Variants in XCR1 observed in about 807,000 individuals in gnomAD.
XCR1 encodes X-C motif chemokine receptor 1, also known as chemokine XC receptor 1.
For synonymous variants in XCR1, 187 were observed against 188.5 expected (o/e 0.99, Z 0.06); for missense variants, 356 against 424.2 (o/e 0.84, Z 1.41).
intron 5 of XCR1, among the ~76,000 whole-genome samples, chr3:46,052,040 A>AAAAACAAAAAC (rs146791601): frequency 7.0e-6 from 1 of 142,988 alleles, no homozygotes; most frequent in East Asian, 2.0e-4. Context: ...AAACAAAAAC[A>AAAAACAAAAAC]AAAAAAAAAC....
Position 46,023,260 on chromosome 3 carries a change from G to T in XCR1, c.-31-1282C>A, listed in dbSNP as rs1708202862. On this transcript the variant is annotated intron_variant, in intron 1 of 1. Transcript: ENST00000309285. ...CCTGCGATCCCCTCCATGTTCCCTG[G>T]CCCCACCGCTCCCCTTCCTAAGGCT... The T allele has an allele frequency of 3.3e-5, 22 of 661,750 alleles. No individual in the cohort carries two copies. In the South Asian group the frequency reaches 3.7e-4, roughly 11 times the overall value. 41.0% of individuals were successfully genotyped at this position (661,750 alleles called of 1,614,324 possible).
chr3:46,025,461 T>C (rs1204923979), intron 1 of XCR1, among the ~76,000 whole-genome samples: 5 of 152,236 alleles, frequency 3.3e-5, no homozygotes, highest in Middle Eastern at 3.4e-3. Context: ...TGATGAAGCC[T>C]TATCTAGATT....
intron 3 of XCR1, among the ~76,000 whole-genome samples, chr3:46,069,903 G>A (rs1012534523): frequency 3.5e-5 from 5 of 141,032 alleles, no homozygotes; most frequent in Admixed American, 7.1e-5. Flanking sequence ...GTTAATTTGC[G>A]ATCTATTTTT....
chr3:46,023,980 T>A, intron 1 of XCR1: 1 of 1,450,246 alleles, frequency 6.9e-7, no homozygotes, highest in East Asian at 2.3e-5. Flanking sequence ...ATTACGGAGC[T>A]TGCCGCCACA....
chr3:46,067,142 G>T (rs76274417), intron 3 of XCR1, among the ~76,000 whole-genome samples: 191 of 152,326 alleles, frequency 1.3e-3, no homozygotes, highest in African/African-American at 4.5e-3. Context: ...TACCTGTGAA[G>T]ATACTTGTGA....
At chr3:46,031,446 G>A (rs758211184), upstream of XCR1, among the ~76,000 whole-genome samples, 2 of 152,252 alleles carry the variant, frequency 1.3e-5, no homozygotes, top group Non-Finnish European at 2.9e-5. Context: ...GTGCTGACAT[G>A]CTAGGCCCTG....
intron 3 of XCR1, among the ~76,000 whole-genome samples, chr3:46,067,292 G>A (rs1698095003): frequency 6.6e-6 from 1 of 152,150 alleles, no homozygotes; most frequent in Admixed American, 6.5e-5. Flanking sequence ...AGAAGGACAA[G>A]TAGGAGTTAT....
intron 1 of XCR1, among the ~76,000 whole-genome samples, chr3:46,077,985 C>T (rs1243063825): frequency 1.3e-5 from 2 of 152,152 alleles, no homozygotes; most frequent in Admixed American, 6.5e-5. Context: ...GTACCATGGT[C>T]GCTACCTGGC....
chr3:46,035,623 C>T (rs1021137714), intron 5 of XCR1, among the ~76,000 whole-genome samples: 16 of 152,206 alleles, frequency 1.1e-4, no homozygotes, highest in African/African-American at 3.9e-4. Flanking sequence ...TACAGCTGGT[C>T]TCAACTGTGT....
rs199744628 is a variant in XCR1, at chr3:46,021,278, C to T, written c.670G>A (p.Val224Ile). The change falls in exon 2 of 2, where the codon GTC becomes ATC. Residue 224 changes from valine to isoleucine, a missense_variant. Transcript: ENST00000309285. The surrounding 1 kb of genome is among the most constrained non-coding windows in gnomAD (Gnocchi z 4.7). ...RSRSKRRHRTVKLIFAIVVAY... is the reference protein window; with the variant it reads ...RSRSKRRHRTIKLIFAIVVAY... ...ACCACGATGGCGAAGATGAGCTTGA[C>T]CGTGCGGTGGCGCCGCTTGGAGCGT... 4 of 1,614,202 alleles carry T rather than the reference C, an allele frequency of 2.5e-6. No individual in the cohort carries two copies. In the East Asian group the frequency reaches 8.9e-5, roughly 36 times the overall value.
upstream of XCR1, among the ~76,000 whole-genome samples, chr3:46,028,504 A>T (rs1308729690): frequency 6.6e-6 from 1 of 151,272 alleles, no homozygotes; most frequent in African/African-American, 2.4e-5. Flanking sequence ...GATATGATTT[A>T]AAAATAATTT....
At chr3:46,065,196 C>A (rs531848546) in intron 4 of XCR1, among the ~76,000 whole-genome samples, 3 of 152,176 alleles carry the variant, frequency 2.0e-5, no homozygotes, top group Non-Finnish European at 4.4e-5. Flanking sequence ...TAAAATGGTT[C>A]TTTTAAGCCT....
At chr3:46,030,850 C>T (rs1575413549), upstream of XCR1, among the ~76,000 whole-genome samples, 1 of 152,256 alleles carries the variant, frequency 6.6e-6, no homozygotes, top group African/African-American at 2.4e-5. Context: ...AGGCCTGGAG[C>T]CTCTGCCGCA....
rs746145944 is a variant in XCR1, at chr3:46,020,972, C to T, written c.976G>A (p.Ala326Thr). Residue 326 changes from alanine (A) to threonine (T), a missense_variant, in exon 2 of 2, where the codon GCC (alanine) becomes ACC (threonine). Physicochemically the swap from Ala to Thr is moderately conservative, Grantham distance 58 (BLOSUM62 0). Transcript: ENST00000309285. ...ASIPHSPGAFAYEGASFY is the reference protein window; with the variant it reads ...ASIPHSPGAFTYEGASFY Reference sequence around the variant, plus strand: ...CAGTAGAAGGAGGCGCCCTCATAGGCGAAGGCACCAGGGGAGTGGGGGATC... The same window carrying T: ...CAGTAGAAGGAGGCGCCCTCATAGGTGAAGGCACCAGGGGAGTGGGGGATC... 19 of 1,612,392 alleles carry T rather than the reference C, an allele frequency of 1.2e-5. No homozygotes were observed. The highest frequency in any genetic ancestry group is 1.6e-5 in the Non-Finnish European group (19 of 1,179,172).
rs988204757 is a variant in XCR1 at position 46,020,852 on chromosome 3, T to C, written c.*94A>G. The C allele has an allele frequency of 6.8e-7, 1 of 1,471,278 alleles. No individual in the cohort carries two copies. The highest frequency in any genetic ancestry group is 1.4e-5 in the African/African-American group (1 of 70,782). 91.1% of individuals were successfully genotyped at this position (1,471,278 alleles called of 1,614,324 possible). On this transcript the variant is annotated 3_prime_UTR_variant, in exon 2 of 2. Coordinates refer to ENST00000309285, the MANE Select transcript of XCR1 (RefSeq NM_001024644.2). ...AGCGGAGGAGACGTCTCCACCCTGC[T>C]GTGTTCTGCAATGCTCCTTCCAGGC...
At position 46,021,935 on chromosome 3, in the gene XCR1, C is replaced by T; in HGVS notation, c.13G>A (p.Gly5Ser). ...AAAAAGGTGGTGCTCTCTGGGTTGC[C>T]TGAGGACTCCATCTGGACCAGATGG... MESS[G>S]NPESTTFFYY... is the part of the protein sequence containing the mutation. Residue 5 changes from glycine (G) to serine (S), a missense_variant, in exon 2 of 2, where the codon GGC (glycine) becomes AGC (serine). Gly to Ser is a moderately conservative substitution (Grantham distance 56). Transcript: ENST00000309285. This position sits in a 1 kb window ranked among gnomAD's most constrained non-coding sequence, Gnocchi z 4.7. 6.2e-7 allele frequency: 1 copy of T among 1,611,282 alleles called. No homozygotes were observed. The highest frequency in any genetic ancestry group is 1.1e-5 in the South Asian group (1 of 90,560).
At chr3:46,044,460 A>C (rs2125898281) in intron 5 of XCR1, among the ~76,000 whole-genome samples, 1 of 152,278 alleles carries the variant, frequency 6.6e-6, no homozygotes, top group South Asian at 2.1e-4. Flanking sequence ...CAGTTTTTTT[A>C]ATATACTCTG....
At chr3:46,058,040 T>A (rs1697887399) in intron 4 of XCR1, among the ~76,000 whole-genome samples, 1 of 152,178 alleles carries the variant, frequency 6.6e-6, no homozygotes. Flanking sequence ...CTGGTTCTGT[T>A]TCTCTAGTGA....
chr3:46,084,537 A>G (rs767015527), intron 1 of XCR1, among the ~76,000 whole-genome samples: 2 of 152,330 alleles, frequency 1.3e-5, no homozygotes, highest in Non-Finnish European at 2.9e-5. Context: ...CAGCTCAACA[A>G]TGTAAAGCCA....
Sources: allele counts gnomAD v4.1 joint callset (sites outside exome capture counted in the v4.1 genomes callset), GRCh38; gene constraint gnomAD v4.1.1; non-coding constraint Gnocchi (gnomAD v3.1); transcripts MANE v1.5; gene names NCBI Gene and HGNC (gene_info 2026-07-23, HGNC 2026-07-21).